AUTS2: variants seen among roughly 807,000 people sequenced by gnomAD.
The protein encoded by AUTS2 is autism susceptibility gene 2 protein.
In AUTS2, 17 loss-of-function variants were observed where a neutral mutation model predicts 112.4. That is an observed-to-expected ratio of 0.15 (90% CI 0.10 to 0.23). The LOEUF (loss-of-function observed/expected upper bound fraction) is 0.23, where lower values mean the gene tolerates loss of function less well. Ranked by LOEUF, AUTS2 falls within the 10% of genes least tolerant of loss-of-function variation. The pLI, the probability that AUTS2 is intolerant of heterozygous loss-of-function variation, is 1.00. For synonymous variants in AUTS2, 751 were observed against 702.7 expected (o/e 1.07, Z -1.09); for missense variants, 1,510 against 1,701.6 (o/e 0.89, Z 1.98).
intron 1 of AUTS2, among the ~76,000 whole-genome samples, chr7:69,708,610 C>T (rs780273924): frequency 3.9e-4 from 59 of 152,282 alleles, no homozygotes; most frequent in Non-Finnish European, 7.6e-4. Context: ...AGGAATAACA[C>T]GTAGTCTTTA....
intron 1 of AUTS2, among the ~76,000 whole-genome samples, chr7:69,636,480 G>GGCCCCCCCCC (rs1562776075): frequency 6.2e-5 from 1 of 16,098 alleles, no homozygotes; most frequent in Non-Finnish European, 1.1e-4. Flanking sequence ...AGTGATCCGC[G>GGCCCCCCCCC]CCCCCCCCCC....
chr7:70,379,362 C>T (rs1034992477), intron 4 of AUTS2, among the ~76,000 whole-genome samples: 1 of 151,834 alleles, frequency 6.6e-6, no homozygotes, highest in Non-Finnish European at 1.5e-5. Flanking sequence ...ATTAGCAGGG[C>T]GTGGTGGTGT....
chr7:70,035,875 T>A (rs544819480), intron 2 of AUTS2, among the ~76,000 whole-genome samples: 1 of 152,334 alleles, frequency 6.6e-6, no homozygotes, highest in African/African-American at 2.4e-5. Context: ...AATTGTTATG[T>A]CAACTATGAG....
At chr7:70,781,846 C>T in intron 15 of AUTS2, 90 bp downstream of exon 15, 1 of 1,495,544 alleles carries the variant, frequency 6.7e-7, no homozygotes, top group Non-Finnish European at 9.0e-7. Flanking sequence ...AGCTGCCGCT[C>T]AGTCACCACC....
chr7:70,260,308 G>T (rs1372071269), intron 4 of AUTS2, among the ~76,000 whole-genome samples: 1 of 152,100 alleles, frequency 6.6e-6, no homozygotes, highest in Non-Finnish European at 1.5e-5. Flanking sequence ...GGAGCTTGCA[G>T]TGAGCTGAGA....
At chr7:70,147,316 TA>T (rs2129575878) in intron 4 of AUTS2, among the ~76,000 whole-genome samples, 1 of 152,222 alleles carries the variant, frequency 6.6e-6, no homozygotes, top group South Asian at 2.1e-4. Context: ...GCAGATGTTA[TA>T]ACTTTTTCAA....
At chr7:70,575,536 A>G (rs192584735) in intron 5 of AUTS2, among the ~76,000 whole-genome samples, 2 of 152,332 alleles carry the variant, frequency 1.3e-5, no homozygotes, top group Non-Finnish European at 2.9e-5. Flanking sequence ...TGCAGCCCCA[A>G]TGCTTGTCTG....
rs1296487149 is a variant in AUTS2, at chr7:70,410,407, T to TTTATTTAA, written c.661-25338_661-25337insATTATTTA. 4.0e-5 allele frequency among the ~76,000 whole-genome samples: 5 copies of TTTATTTAA among 126,526 alleles called. No homozygotes were observed. In the East Asian group the frequency reaches 1.1e-3, roughly 27 times the overall value. 83.0% of individuals were successfully genotyped at this position (126,526 alleles called of 152,430 possible). ...CTTAGGAGGGTTTGTCTTTTATTTA[T>TTTATTTAA]TTATTTATTTATTTATTTATTTATT... On this transcript the variant is annotated intron_variant, in intron 4 of 18. Transcript: ENST00000342771.
chr7:70,584,129 A>C (rs1052220831), intron 5 of AUTS2, among the ~76,000 whole-genome samples: 4 of 152,160 alleles, frequency 2.6e-5, no homozygotes, highest in African/African-American at 7.2e-5. Flanking sequence ...AGGAAACTGG[A>C]TCTCTGCCAC....
chr7:69,735,043 G>C (rs888642518), intron 1 of AUTS2, among the ~76,000 whole-genome samples: 3 of 152,186 alleles, frequency 2.0e-5, no homozygotes, highest in African/African-American at 7.2e-5. Context: ...CAACTCTATT[G>C]CATCCTCCAG....
Position 70,766,320 on chromosome 7 carries a change from C to T in AUTS2, c.1675C>T (p.Pro559Ser). ...CCCACCCACCGCCATCATGCCGACG[C>T]CAGCACCTCCCATGGTGCGTACCCC... ...AIPPTAIMPT[P>S]APPMFDKYPT... Residue 559 changes from proline to serine, a missense_variant, in exon 9 of 19, where the codon CCA becomes TCA. Pro to Ser is a moderately conservative substitution (Grantham distance 74). This residue lies in a region of AUTS2 where 187 missense variants were observed against 309.7 expected (regional missense o/e 0.60). Transcript: ENST00000342771. This position sits in a 1 kb window ranked among gnomAD's most constrained non-coding sequence, Gnocchi z 4.8. 1 of 1,614,086 alleles carries T rather than the reference C, an allele frequency of 6.2e-7. No individual in the cohort carries two copies. Among genetic ancestry groups the T allele is most frequent in the South Asian group, 1.1e-5 (1 of 91,064 alleles).
chr7:70,210,422 T>G (rs983326390), intron 4 of AUTS2, among the ~76,000 whole-genome samples: 1 of 152,246 alleles, frequency 6.6e-6, no homozygotes, highest in African/African-American at 2.4e-5. Context: ...AGCAGAGACA[T>G]GTATTAAATC....
chr7:70,554,410 T>A (rs1372812727), intron 5 of AUTS2, among the ~76,000 whole-genome samples: 1 of 148,242 alleles, frequency 6.7e-6, no homozygotes, highest in Non-Finnish European at 1.5e-5. Flanking sequence ...TTTTTTTTTT[T>A]TTTGAAACGA....
chr7:69,874,928 T>G (rs1167842394), intron 1 of AUTS2, among the ~76,000 whole-genome samples: 4 of 151,596 alleles, frequency 2.6e-5, no homozygotes, highest in Admixed American at 2.6e-4. Context: ...TACGTCCAGT[T>G]GCATTGCATC....
chr7:69,943,360 A>T (rs1314105981), intron 2 of AUTS2, among the ~76,000 whole-genome samples: 1 of 152,216 alleles, frequency 6.6e-6, no homozygotes, highest in Non-Finnish European at 1.5e-5. Flanking sequence ...TCAGCTTCAA[A>T]TGGGCTTCAA....
chr7:70,204,720 A>T (rs899279650), intron 4 of AUTS2, among the ~76,000 whole-genome samples: 1 of 152,168 alleles, frequency 6.6e-6, no homozygotes, highest in Non-Finnish European at 1.5e-5. Flanking sequence ...CCAAGGGCCT[A>T]TCATAAGCAC....
At chr7:69,816,592 C>T (rs1790772306) in intron 1 of AUTS2, among the ~76,000 whole-genome samples, 1 of 152,158 alleles carries the variant, frequency 6.6e-6, no homozygotes. Flanking sequence ...TATCTTGGAT[C>T]CTTACAAAGG....
chr7:69,988,219 T>C (rs934533518), intron 2 of AUTS2, among the ~76,000 whole-genome samples: 1 of 152,182 alleles, frequency 6.6e-6, no homozygotes, highest in African/African-American at 2.4e-5. Flanking sequence ...TTTGTGCCCA[T>C]GTTCTTCCAT....
chr7:70,478,956 T>G (rs983576271), intron 5 of AUTS2, among the ~76,000 whole-genome samples: 1 of 152,188 alleles, frequency 6.6e-6, no homozygotes, highest in African/African-American at 2.4e-5. Context: ...AACTTCGCAC[T>G]TGGCATAATA....
Sources: allele counts gnomAD v4.1 joint callset (sites outside exome capture counted in the v4.1 genomes callset), GRCh38; gene constraint gnomAD v4.1.1; regional missense constraint gnomAD v4.1.1; non-coding constraint Gnocchi (gnomAD v3.1); transcripts MANE v1.5; gene names NCBI Gene and HGNC (gene_info 2026-07-23, HGNC 2026-07-21).